PCSK7: variants seen among roughly 807,000 people sequenced by gnomAD.
The protein encoded by PCSK7 is lymphoma proprotein convertase.
A neutral mutation model predicts 73.3 loss-of-function variants in PCSK7; 38 were observed. The observed-to-expected ratio is 0.52, with a 90% CI of 0.40 to 0.68. The LOEUF is 0.68. Among genes scored for constraint, PCSK7 ranks in the 30% least tolerant of loss-of-function variants. PCSK7 has a pLI of 0.00. For missense variants in PCSK7, 692 were observed against 991.5 expected (o/e 0.70, Z 4.06); for synonymous variants, 296 against 383.8 (o/e 0.77, Z 2.68).
chr11:117,221,797 G>C (rs1413970174), intron 9 of PCSK7: 1 of 152,278 alleles, frequency 6.6e-6, no homozygotes, highest in Non-Finnish European at 1.5e-5. Context: ...CTAGAGTTCT[G>C]CTAGAGGGTG....
At position 117,218,699 on chromosome 11, in the gene PCSK7, T is replaced by A; in HGVS notation, c.1432-131A>T. On this transcript the variant is annotated intron_variant, in intron 11 of 16. Transcript: ENST00000320934. This position sits in a 1 kb window ranked among gnomAD's most constrained non-coding sequence, Gnocchi z 4.0. The stretch of plus-strand genomic sequence containing the variant: ...GTCTTTATTTTTCCACTCCTCATCA[T>A]CTTCCTTCAGCCCTCAGCTCCTGCT... 1.7e-6 allele frequency: 1 copy of A among 595,722 alleles called. No homozygotes were observed. The highest frequency in any genetic ancestry group is 3.0e-6 in the Non-Finnish European group (1 of 337,952). 36.9% of individuals were successfully genotyped at this position (595,722 alleles called of 1,614,324 possible). A position where few individuals can be genotyped will look rare whatever the true frequency, so the allele number is the denominator to read the frequency against.
At chr11:117,223,964 A>C in intron 8 of PCSK7, 114 bp downstream of exon 8, 1 of 1,135,608 alleles carries the variant, frequency 8.8e-7, no homozygotes, top group Non-Finnish European at 1.3e-6. Context: ...ATCTGAGCCC[A>C]AAGAGATTAT....
intron 12 of PCSK7, chr11:117,212,854 G>C (rs763145484): frequency 1.3e-5 from 2 of 152,106 alleles, no homozygotes; most frequent in Non-Finnish European, 2.9e-5. Context: ...GCTGGGAACT[G>C]TAAGTGTGCA....
chr11:117,227,051 A>T (rs2032457496), intron 5 of PCSK7, 106 bp downstream of exon 5: 5 of 883,732 alleles, frequency 5.7e-6, no homozygotes, highest in Non-Finnish European at 8.6e-6. Flanking sequence ...TATGTGTGTC[A>T]GCTGGGCTAT....
intron 6 of PCSK7, chr11:117,224,995 A>G: frequency 2.2e-6 from 1 of 449,680 alleles, no homozygotes; most frequent in Non-Finnish European, 4.1e-6. Context: ...CATAGCCCAT[A>G]GTGGCAGAGA....
At chr11:117,230,671 T>C (rs1591809523) in intron 1 of PCSK7, among the ~76,000 whole-genome samples, 2 of 152,168 alleles carry the variant, frequency 1.3e-5, no homozygotes, top group Admixed American at 6.5e-5. Flanking sequence ...TCCTGTGCTA[T>C]CGTGCCACCC....
intron 12 of PCSK7, chr11:117,211,929 C>T (rs1472386751): frequency 2.0e-5 from 3 of 152,164 alleles, no homozygotes; most frequent in Non-Finnish European, 2.9e-5. Flanking sequence ...AGTTAATATA[C>T]CTAAAGCGTT....
chr11:117,219,307 A>G lies in PCSK7; in HGVS notation c.1324-143T>C, dbSNP rs539620686. 120 of 686,234 alleles carry G rather than the reference A, an allele frequency of 1.7e-4. No homozygotes were observed. In the African/African-American group the frequency reaches 2.0e-3, roughly 11 times the overall value. 42.5% of individuals were successfully genotyped at this position (686,234 alleles called of 1,614,324 possible). The stretch of plus-strand genomic sequence containing the variant: ...TACTGGGAATGGATTCCCCAAGGCA[A>G]GCTGGGACAAAAGGTCAAAGCCCAT... On this transcript the variant is annotated intron_variant, in intron 10 of 16. Transcript: ENST00000320934.
In PCSK7 at chr11:117,229,427, T is replaced by G; in HGVS notation, c.418A>C (p.Lys140Gln). 6.2e-7 allele frequency: 1 copy of G among 1,609,828 alleles called. No homozygotes were observed. The highest frequency in any genetic ancestry group is 8.5e-7 in the Non-Finnish European group (1 of 1,180,002). Residue 140 changes from lysine to glutamine, a missense_variant, in exon 3 of 17, where the codon AAG becomes CAG. Physicochemically the swap from Lys to Gln is moderately conservative, Grantham distance 53 (BLOSUM62 1). Transcript: ENST00000320934. ...GGGTCGTTGAAGTGGACGCTGCGCT[T>G]GGCCCGCCTTAGCAGCCTCTGCTCT... ...HSEQRLLRRAKRSVHFNDPKY... is the reference protein window; with the variant it reads ...HSEQRLLRRAQRSVHFNDPKY...
chr11:117,224,632 G>T, intron 7 of PCSK7, 69 bp downstream of exon 7: 1 of 1,252,780 alleles, frequency 8.0e-7, no homozygotes, highest in Non-Finnish European at 1.2e-6. Flanking sequence ...GGGTCAACTT[G>T]CAGCAGTTCT....
chr11:117,214,447 C>T lies in PCSK7; in HGVS notation c.1534+4019G>A, dbSNP rs530673273. 545 of 152,308 alleles carry T rather than the reference C, an allele frequency of 3.6e-3. 4 individuals carry two copies. Among genetic ancestry groups the T allele is most frequent in the Non-Finnish European group, 5.1e-3 (350 of 68,088 alleles). The allele number at this position is 152,308 out of a possible 1,614,324, so 9.4% of individuals were successfully genotyped here. A position where few individuals can be genotyped will look rare whatever the true frequency, so the allele number is the denominator to read the frequency against. ...GTCAGGAAACAAGCCTTAGAAGACA[C>T]TCACAGTTCAGGAGTATGAAACAAG... is the stretch of plus-strand genomic sequence containing the variant. On this transcript the variant is annotated intron_variant, in intron 12 of 16. Transcript: ENST00000320934.
chr11:117,223,412 C>G (rs1015495767), intron 8 of PCSK7, 104 bp from the exon 9 acceptor site: 11 of 738,674 alleles, frequency 1.5e-5, no homozygotes, highest in Admixed American at 9.8e-5. Flanking sequence ...GGGGGCTGTC[C>G]TGAGTTTGAA....
At position 117,228,255 on chromosome 11, in the gene PCSK7, G is replaced by A. The variant is rs767017683; in HGVS notation, c.564C>T (p.Asp188=). The A allele has an allele frequency of 9.0e-5, 145 of 1,613,152 alleles. No homozygotes were observed. Among genetic ancestry groups the A allele is most frequent in the Non-Finnish European group, 1.1e-4 (126 of 1,179,586 alleles). Residue 188 remains aspartate, a synonymous_variant, in exon 4 of 17, where the codon GAC becomes GAT. Coordinates refer to ENST00000320934, the MANE Select transcript of PCSK7 (RefSeq NM_004716.4). ...GRGVTVVVVD[D]GVEHTIQDIA... is the part of the protein sequence containing the mutation. ...TGTCCTGGATGGTGTGTTCCACTCCGTCATCCACTACCACCACCGTCACCC... is the reference window on the plus strand; with the variant it reads ...TGTCCTGGATGGTGTGTTCCACTCCATCATCCACTACCACCACCGTCACCC...
rs1491324087 is a variant in PCSK7, at chr11:117,221,016, TCA to T, written c.1156-1260_1156-1259del. ...TGGGGCTGTCATCACCCCTGGAGAC[TCA>T]GAGGGTTTAGCTGAGGCGGGCCCTG... On this transcript the variant is annotated intron_variant, in intron 9 of 16. Coordinates refer to ENST00000320934, the MANE Select transcript of PCSK7 (RefSeq NM_004716.4). The T allele has an allele frequency of 2.0e-5, 3 of 152,310 alleles. No homozygotes were observed. The East Asian group carries it at 5.8e-4, about 29-fold the overall frequency. 9.4% of individuals were successfully genotyped at this position (152,310 alleles called of 1,614,324 possible).
intron 12 of PCSK7, chr11:117,214,468 A>C (rs975963044): frequency 1.3e-5 from 2 of 152,318 alleles, no homozygotes; most frequent in African/African-American, 4.8e-5. Context: ...GGAGTATGAA[A>C]CAAGTACCTC....
chr11:117,230,164 T>C (rs2032589416), intron 2 of PCSK7, 185 bp downstream of exon 2: 1 of 313,400 alleles, frequency 3.2e-6, no homozygotes, highest in Non-Finnish European at 5.9e-6. Flanking sequence ...GAGCAACCCC[T>C]GTTGCCACCC....
intron 10 of PCSK7, 21 bp from the exon 11 acceptor site, chr11:117,219,185 G>C: frequency 6.4e-7 from 1 of 1,550,826 alleles, no homozygotes; most frequent in Non-Finnish European, 8.8e-7. Context: ...AGAGGTCCTG[G>C]TTAGTCTCTT....
rs769772947 is a variant in PCSK7, at chr11:117,218,504, A to G, written c.1496T>C (p.Ile499Thr). ...VSPVLKENKA[I>T]PQSPRSLEVL... is the part of the protein sequence containing the mutation. Reference sequence around the variant, plus strand: ...CTCCAGGGAACGGGGGGACTGCGGAATCGCCTTGTTTTCTTTTAACACGGG... The same window carrying G: ...CTCCAGGGAACGGGGGGACTGCGGAGTCGCCTTGTTTTCTTTTAACACGGG... Residue 499 changes from isoleucine (I) to threonine (T), a missense_variant, in exon 12 of 17, where the codon ATT becomes ACT. By Grantham distance (89) the Ile-to-Thr change is moderately conservative. Around this residue, in one of 6 missense-constraint regions of PCSK7, gnomAD observed 574 missense variants for 689.8 expected, o/e 0.83. Transcript: ENST00000320934. This position sits in a 1 kb window ranked among gnomAD's most constrained non-coding sequence, Gnocchi z 4.0. 2 of 1,610,308 alleles carry G rather than the reference A, an allele frequency of 1.2e-6. No individual in the cohort carries two copies. The highest frequency in any genetic ancestry group is 2.2e-5 in the South Asian group (2 of 90,528).
At chr11:117,223,136 A>C in intron 9 of PCSK7, 72 bp downstream of exon 9, 2 of 880,602 alleles carry the variant, frequency 2.3e-6, no homozygotes, top group Non-Finnish European at 3.9e-6. Flanking sequence ...AACAGTGAGA[A>C]GCGCTGTGAT....
Sources: gnomAD v4.1 joint callset for allele counts (sites outside exome capture counted in the v4.1 genomes callset) on GRCh38, gnomAD v4.1.1 for gene constraint, gnomAD v4.1.1 regional missense constraint, Gnocchi (gnomAD v3.1) non-coding constraint, MANE v1.5 for transcripts, NCBI Gene and HGNC (gene_info 2026-07-23, HGNC 2026-07-21) for gene names.